The following LTBP1 variants were observed in gnomAD, a reference collection of about 807,000 sequenced individuals.
LTBP1 encodes the protein latent-transforming growth factor beta-binding protein 1.
Under a neutral mutation model 207.6 loss-of-function variants are expected in LTBP1, and 129 were observed. The ratio of observed to expected loss-of-function variants is 0.62; its 90% CI spans 0.54 to 0.72. LTBP1 has a LOEUF of 0.72. Among genes scored for constraint, LTBP1 ranks in the 30% least tolerant of loss-of-function variants. The pLI is 0.00. For missense variants in LTBP1, 2,281 were observed against 2,217.2 expected, an observed-to-expected ratio of 1.03 and a Z score of -0.58; for synonymous variants, 963 against 833.7, an observed-to-expected ratio of 1.16 and a Z score of -2.67.
At chr2:33,328,397 C>T (rs1039030443) in intron 24 of LTBP1, among the ~76,000 whole-genome samples, 6 of 152,082 alleles carry the variant, frequency 3.9e-5, no homozygotes, top group African/African-American at 1.4e-4. Flanking sequence ...TGCTAGAACA[C>T]TGCTAGGAAG....
rs575553829 is a variant in LTBP1, at chr2:32,998,865, A to T, written c.566-22044A>T. ...CTGCCCTCACATCCACAGTCTCCAG[A>T]TCTGTAAGCAGTAAATTTCTGTTAT... On this transcript the variant is annotated intron_variant, in intron 2 of 33. Coordinates refer to ENST00000404816, the MANE Select transcript of LTBP1 (RefSeq NM_206943.4). Among the ~76,000 whole-genome samples, 22 of 152,324 alleles carry T rather than the reference A, an allele frequency of 1.4e-4. No individual in the cohort carries two copies. The South Asian group carries it at 4.3e-3, about 30-fold the overall frequency.
chr2:33,010,993 C>T (rs769440831), intron 2 of LTBP1, among the ~76,000 whole-genome samples: 2 of 152,156 alleles, frequency 1.3e-5, no homozygotes, highest in Non-Finnish European at 2.9e-5. Flanking sequence ...GCTGGAATTA[C>T]AGGGGTGAGC....
chr2:33,005,917 A>G (rs1170549886), intron 2 of LTBP1, among the ~76,000 whole-genome samples: 1 of 150,848 alleles, frequency 6.6e-6, no homozygotes, highest in African/African-American at 2.4e-5. Context: ...GTAGCAGCAT[A>G]AAGTGGTAGG....
intron 24 of LTBP1, among the ~76,000 whole-genome samples, chr2:33,340,604 G>A (rs988367124): frequency 6.6e-6 from 1 of 152,172 alleles, no homozygotes; most frequent in South Asian, 2.1e-4. Context: ...CTGGTCACTG[G>A]TGCTTTTTCT....
chr2:33,367,103 ATTAG>A (rs1009928255), intron 31 of LTBP1, among the ~76,000 whole-genome samples: 132 of 152,180 alleles, frequency 8.7e-4, no homozygotes, highest in African/African-American at 3.0e-3. Context: ...ATATATTGAT[ATTAG>A]TTATTGCTGT....
intron 4 of LTBP1, among the ~76,000 whole-genome samples, chr2:33,124,982 A>T (rs1663558733): frequency 6.6e-6 from 1 of 152,172 alleles, no homozygotes; most frequent in South Asian, 2.1e-4. Context: ...AGATCTTAAG[A>T]CTTGTTCTGT....
At chr2:32,981,635 A>G (rs1220833393) in intron 2 of LTBP1, among the ~76,000 whole-genome samples, 3 of 152,198 alleles carry the variant, frequency 2.0e-5, no homozygotes, top group Non-Finnish European at 4.4e-5. Flanking sequence ...TGGTTTGGCC[A>G]TGTCCCCACC....
At chr2:33,370,863 A>G (rs1190577961) in intron 31 of LTBP1, among the ~76,000 whole-genome samples, 3 of 152,330 alleles carry the variant, frequency 2.0e-5, no homozygotes, top group South Asian at 4.1e-4. Context: ...ACCACTTGTC[A>G]TCAGCTTTAA....
At chr2:33,175,101 G>A (rs928768192) in intron 5 of LTBP1, among the ~76,000 whole-genome samples, 2 of 152,014 alleles carry the variant, frequency 1.3e-5, no homozygotes, top group African/African-American at 4.8e-5. Flanking sequence ...GCATGGGCAA[G>A]GACTTCATGT....
chr2:33,227,185 C>G (rs6726760), intron 9 of LTBP1, among the ~76,000 whole-genome samples: 42,417 of 151,822 alleles, frequency 0.28, 6,439 homozygotes, highest in East Asian at 0.61. Flanking sequence ...CACCAACACA[C>G]CTGACTAATT....
chr2:32,967,603 G>A (rs980364970), intron 2 of LTBP1, among the ~76,000 whole-genome samples: 2 of 152,040 alleles, frequency 1.3e-5, no homozygotes, highest in Non-Finnish European at 2.9e-5. Flanking sequence ...TTATGTTGCT[G>A]TATCTCCAAG....
At chr2:33,092,469 T>C (rs2079155620) in intron 3 of LTBP1, among the ~76,000 whole-genome samples, 1 of 152,238 alleles carries the variant, frequency 6.6e-6, no homozygotes, top group Non-Finnish European at 1.5e-5. Flanking sequence ...AATTACAATA[T>C]AGACTCCCAT....
Position 33,110,668 on chromosome 2 carries a change from A to G in LTBP1, c.950A>G (p.Gln317Arg). The change falls in exon 4 of 34, where the codon CAG becomes CGG. Residue 317 changes from glutamine to arginine, a missense_variant. Coordinates refer to ENST00000404816, the MANE Select transcript of LTBP1 (RefSeq NM_206943.4). ...CTCAAGCCCAAGTACTTTCCAGCCC[A>G]GAAGGGGATTTCAGGAGAGCAGTCC... ...YVLKPKYFPA[Q>R]KGISGEQSTE... 6.2e-7 allele frequency: 1 copy of G among 1,614,198 alleles called. No individual in the cohort carries two copies. The highest frequency in any genetic ancestry group is 1.1e-5 in the South Asian group (1 of 91,076).
At chr2:33,145,870 G>A (rs2150878191) in intron 5 of LTBP1, among the ~76,000 whole-genome samples, 1 of 152,272 alleles carries the variant, frequency 6.6e-6, no homozygotes, top group African/African-American at 2.4e-5. Flanking sequence ...TCCTTTTATT[G>A]AAATACACTC....
chr2:33,392,948 T>G (rs946149315), intron 32 of LTBP1, among the ~76,000 whole-genome samples: 1 of 151,958 alleles, frequency 6.6e-6, no homozygotes, highest in African/African-American at 2.4e-5. Context: ...GCTGAGGAGA[T>G]TCTCCTGCCT....
chr2:33,092,060 C>G (rs1180759528), intron 3 of LTBP1, among the ~76,000 whole-genome samples: 1 of 152,146 alleles, frequency 6.6e-6, no homozygotes, highest in African/African-American at 2.4e-5. Context: ...GGGAAATTAC[C>G]TACTACAAAT....
chr2:33,184,035 C>T (rs2086929734), intron 5 of LTBP1, among the ~76,000 whole-genome samples: 1 of 152,138 alleles, frequency 6.6e-6, no homozygotes, highest in African/African-American at 2.4e-5. Context: ...GTCCCATCAT[C>T]AAGTTCCACT....
intron 2 of LTBP1, among the ~76,000 whole-genome samples, chr2:32,974,322 T>G (rs1433528923): frequency 2.6e-5 from 4 of 152,236 alleles, no homozygotes; most frequent in Non-Finnish European, 5.9e-5. Context: ...TCATTGTAGT[T>G]TTGATTAGCA....
intron 11 of LTBP1, among the ~76,000 whole-genome samples, chr2:33,256,924 C>T (rs1356107136): frequency 1.3e-5 from 2 of 149,906 alleles, no homozygotes; most frequent in Non-Finnish European, 3.0e-5. Flanking sequence ...TTGATATCCA[C>T]AGGGGTTATC....
Sources: gnomAD v4.1 joint callset for allele counts (sites outside exome capture counted in the v4.1 genomes callset) on GRCh38, gnomAD v4.1.1 for gene constraint, MANE v1.5 for transcripts, NCBI Gene and HGNC (gene_info 2026-07-23, HGNC 2026-07-21) for gene names.